Variants in SETBP1 observed in about 807,000 individuals in gnomAD.
SETBP1 encodes SET-binding protein.
A neutral mutation model predicts 101.0 loss-of-function variants in SETBP1; 9 were observed. The ratio of observed to expected loss-of-function variants is 0.09; its 90% CI spans 0.05 to 0.16. The LOEUF is 0.16. SETBP1 is among the 10% of genes least tolerant of loss of function. The pLI is 1.00. For synonymous variants in SETBP1, 818 were observed against 788.5 expected, an observed-to-expected ratio of 1.04 and a Z score of -0.63; for missense variants, 1,858 against 2,033.8, an observed-to-expected ratio of 0.91 and a Z score of 1.66.
At chr18:44,825,640 T>C (rs1233746830) in intron 2 of SETBP1, among the ~76,000 whole-genome samples, 1 of 152,266 alleles carries the variant, frequency 6.6e-6, no homozygotes, top group Non-Finnish European at 1.5e-5. Flanking sequence ...AATCTTCACC[T>C]GACCTTTGTA....
intron 3 of SETBP1, among the ~76,000 whole-genome samples, chr18:44,943,232 C>T (rs987820853): frequency 2.0e-5 from 3 of 152,122 alleles, no homozygotes; most frequent in Non-Finnish European, 4.4e-5. Flanking sequence ...ATGACAGAAC[C>T]GTTTCACTCT....
intron 2 of SETBP1, among the ~76,000 whole-genome samples, chr18:44,844,680 G>A (rs2072690154): frequency 6.6e-6 from 1 of 152,062 alleles, no homozygotes; most frequent in South Asian, 2.1e-4. Flanking sequence ...CAACAAGCGG[G>A]AGGGGCAGGC....
intron 4 of SETBP1, among the ~76,000 whole-genome samples, chr18:44,980,471 C>T (rs540249958): frequency 1.3e-5 from 2 of 151,112 alleles, no homozygotes; most frequent in African/African-American, 2.5e-5. Context: ...CTGATTCGCA[C>T]ATTCTTCTGC....
chr18:44,858,101 A>G (rs2073012297), intron 2 of SETBP1, among the ~76,000 whole-genome samples: 1 of 152,202 alleles, frequency 6.6e-6, no homozygotes, highest in African/African-American at 2.4e-5. Context: ...GGAAGTATAC[A>G]TGCCAAGGAG....
In SETBP1 at chr18:45,063,786, C is replaced by G; in HGVS notation, c.*88C>G. 7.0e-7 allele frequency: 1 copy of G among 1,420,044 alleles called. No homozygotes were observed. The highest frequency in any genetic ancestry group is 9.6e-7 in the Non-Finnish European group (1 of 1,041,648). The allele number at this position is 1,420,044 out of a possible 1,614,324, so 88.0% of individuals were successfully genotyped here. On this transcript the variant is annotated 3_prime_UTR_variant, in exon 6 of 6. Transcript: ENST00000649279. ...GGGGCGGGGGCGGAATCCCCCGCTG[C>G]AGGGACACCCACGCCCTTCTCTCCA...
intron 3 of SETBP1, among the ~76,000 whole-genome samples, chr18:44,930,206 G>A (rs2070797513): frequency 1.3e-5 from 2 of 152,148 alleles, no homozygotes; most frequent in Non-Finnish European, 1.5e-5. Flanking sequence ...TGTGGTTTTT[G>A]TCTTTGATTC....
chr18:44,700,434 A>G (rs1417692216), intron 1 of SETBP1, among the ~76,000 whole-genome samples: 2 of 152,180 alleles, frequency 1.3e-5, no homozygotes, highest in Admixed American at 6.5e-5. Flanking sequence ...GCTATTTTTA[A>G]TCTAAATAAT....
chr18:44,827,628 C>G (rs1443631611), intron 2 of SETBP1, among the ~76,000 whole-genome samples: 1 of 152,164 alleles, frequency 6.6e-6, no homozygotes, highest in African/African-American at 2.4e-5. Flanking sequence ...TCAATCAAAC[C>G]ATGGAGGACT....
At chr18:44,872,667 A>G (rs567201996) in intron 3 of SETBP1, among the ~76,000 whole-genome samples, 1 of 152,278 alleles carries the variant, frequency 6.6e-6, no homozygotes, top group Non-Finnish European at 1.5e-5. Flanking sequence ...ATTTACTTTT[A>G]TTTCTCAGTT....
intron 5 of SETBP1, among the ~76,000 whole-genome samples, chr18:45,051,883 C>T (rs1319771214): frequency 2.0e-5 from 3 of 152,166 alleles, no homozygotes; most frequent in African/African-American, 4.8e-5. Context: ...GTTAATGGTG[C>T]TCTGAACGGA....
At chr18:44,750,727 CT>C (rs2070363816) in intron 2 of SETBP1, among the ~76,000 whole-genome samples, 1 of 152,150 alleles carries the variant, frequency 6.6e-6, no homozygotes, top group African/African-American at 2.4e-5. Context: ...CAGAGTTCTG[CT>C]TTGTAGAGAA....
intron 2 of SETBP1, among the ~76,000 whole-genome samples, chr18:44,706,010 T>A (rs2069208945): frequency 6.6e-6 from 1 of 152,108 alleles, no homozygotes; most frequent in Non-Finnish European, 1.5e-5. Flanking sequence ...GGGCCTATGA[T>A]GGATTTACAT....
At chr18:44,694,252 C>T (rs1273050397) in intron 1 of SETBP1, among the ~76,000 whole-genome samples, 2 of 152,158 alleles carry the variant, frequency 1.3e-5, no homozygotes, top group African/African-American at 4.8e-5. Flanking sequence ...AGCTCCCTTG[C>T]CCAGGCTGGA....
At chr18:44,855,042 C>T (rs1276557121) in intron 2 of SETBP1, among the ~76,000 whole-genome samples, 1 of 151,626 alleles carries the variant, frequency 6.6e-6, no homozygotes, top group Non-Finnish European at 1.5e-5. Flanking sequence ...GGCTCACTCC[C>T]TTCTTTCATT....
chr18:44,827,573 A>G (rs1411007837), intron 2 of SETBP1, among the ~76,000 whole-genome samples: 2 of 152,114 alleles, frequency 1.3e-5, no homozygotes, highest in African/African-American at 2.4e-5. Context: ...GTTTGCCCCT[A>G]TGCTAGGGTT....
chr18:44,767,278 T>C (rs192365481), intron 2 of SETBP1, among the ~76,000 whole-genome samples: 1 of 152,314 alleles, frequency 6.6e-6, no homozygotes, highest in East Asian at 1.9e-4. Context: ...CCCTTCTTAC[T>C]AGTGTGAGTG....
At chr18:44,891,909 A>G (rs1007936589) in intron 3 of SETBP1, among the ~76,000 whole-genome samples, 2 of 152,140 alleles carry the variant, frequency 1.3e-5, no homozygotes, top group African/African-American at 2.4e-5. Context: ...ACGTTTGAAC[A>G]TTGCTTTTTA....
chr18:44,762,258 C>G (rs910232543), intron 2 of SETBP1, among the ~76,000 whole-genome samples: 1 of 152,124 alleles, frequency 6.6e-6, no homozygotes, highest in African/African-American at 2.4e-5. Flanking sequence ...CAGCCCAGAA[C>G]ACACCTCTTC....
At chr18:44,765,173 C>T (rs546958056) in intron 2 of SETBP1, among the ~76,000 whole-genome samples, 1 of 152,132 alleles carries the variant, frequency 6.6e-6, no homozygotes, top group South Asian at 2.1e-4. Context: ...CCACACTTTC[C>T]TTGTGTGTTG....
Sources: gnomAD v4.1 joint callset for allele counts (sites outside exome capture counted in the v4.1 genomes callset) on GRCh38, gnomAD v4.1.1 for gene constraint, MANE v1.5 for transcripts, NCBI Gene and HGNC (gene_info 2026-07-23, HGNC 2026-07-21) for gene names.